TTC21B: variants seen among roughly 807,000 people sequenced by gnomAD.
TTC21B encodes tetratricopeptide repeat protein 21B.
In TTC21B, 127 loss-of-function variants were observed where a neutral mutation model predicts 175.1. The observed-to-expected ratio is 0.73, with a 90% CI of 0.63 to 0.84. The LOEUF is 0.84. Among genes scored for constraint, TTC21B ranks in the 40% least tolerant of loss-of-function variants. The pLI is 0.00. For synonymous variants in TTC21B, 524 were observed against 524.5 expected (o/e 1.00, Z 0.01); for missense variants, 1,561 against 1,558.3 (o/e 1.00, Z -0.03).
At chr2:165,929,893 A>G in intron 9 of TTC21B, 146 bp from the exon 10 acceptor site, 1 of 715,046 alleles carries the variant, frequency 1.4e-6, no homozygotes, top group Non-Finnish European at 2.4e-6. Context: ...AAGAAAGAAA[A>G]TGAAGAGTGA....
At chr2:165,937,771 C>CCACACACCACACACA (rs1205195669) in intron 6 of TTC21B, among the ~76,000 whole-genome samples, 15 of 127,634 alleles carry the variant, frequency 1.2e-4, no homozygotes, top group African/African-American at 4.4e-4. Flanking sequence ...TATATAGAAA[C>CCACACACCACACACA]CACACACACA....
At chr2:165,934,735 T>C (rs1363477779) in intron 6 of TTC21B, 2 of 18,590 alleles carry the variant, frequency 1.1e-4, no homozygotes, top group African/African-American at 4.3e-4. Context: ...CTCTTTCAGA[T>C]TGCTTGAAAA....
intron 3 of TTC21B, chr2:165,948,272 T>G (rs1402251015): frequency 6.6e-6 from 1 of 152,246 alleles, no homozygotes; most frequent in Non-Finnish European, 1.5e-5. Context: ...ATGTTTCATT[T>G]TGTATTATTT....
At chr2:165,939,824 A>G (rs968815211) in intron 6 of TTC21B, among the ~76,000 whole-genome samples, 2 of 152,116 alleles carry the variant, frequency 1.3e-5, no homozygotes, top group Admixed American at 6.6e-5. Flanking sequence ...TCTATCCTCT[A>G]GTGCAAGTAG....
At chr2:165,905,986 G>A (rs1362191918) in intron 19 of TTC21B, among the ~76,000 whole-genome samples, 2 of 152,140 alleles carry the variant, frequency 1.3e-5, no homozygotes, top group Non-Finnish European at 2.9e-5. Context: ...TTCAAAGTAT[G>A]TCTTGGCACA....
Position 165,924,637 on chromosome 2 carries a change from A to G in TTC21B, c.1428T>C (p.Arg476=), listed in dbSNP as rs376312170. 2.8e-5 allele frequency: 45 copies of G among 1,613,652 alleles called. No individual in the cohort carries two copies. Among genetic ancestry groups the G allele is most frequent in the Non-Finnish European group, 3.7e-5 (44 of 1,179,822 alleles). The change falls in exon 12 of 29, where the codon CGT becomes CGC. Residue 476 remains arginine, a synonymous_variant. Transcript: ENST00000243344. ...CTACAGTCTCCAGGACTGAGATGCA[A>G]CGCCTGAGAAGTGGACAAAGAGGTT... ...PGQPLCPLLR[R]CISVLETVVR... is the part of the protein sequence containing the mutation.
chr2:165,909,535 T>A (rs1685858415), intron 18 of TTC21B, among the ~76,000 whole-genome samples: 1 of 151,900 alleles, frequency 6.6e-6, no homozygotes, highest in Admixed American at 6.6e-5. Flanking sequence ...TAGAAGAAAA[T>A]AAGATATATA....
intron 11 of TTC21B, among the ~76,000 whole-genome samples, chr2:165,926,002 TA>T (rs1320738299): frequency 2.0e-5 from 3 of 152,210 alleles, no homozygotes; most frequent in Admixed American, 6.5e-5. Context: ...AAAAAATAGT[TA>T]TGCAGACAAT....
At chr2:165,915,050 T>C (rs995130580) in intron 15 of TTC21B, 151 bp downstream of exon 15, 1 of 684,380 alleles carries the variant, frequency 1.5e-6, no homozygotes, top group African/African-American at 1.8e-5. Context: ...GTTAGAGTGA[T>C]TGCAGTTGGT....
At chr2:165,882,947 G>A (rs1574063583) in intron 26 of TTC21B, among the ~76,000 whole-genome samples, 1 of 152,026 alleles carries the variant, frequency 6.6e-6, no homozygotes, top group African/African-American at 2.4e-5. Flanking sequence ...GTAGCTAATC[G>A]TCTAGAATAG....
In TTC21B at chr2:165,901,759, T is replaced by A; in HGVS notation, c.2720A>T (p.Tyr907Phe). ...QRDYEKAIKF[Y>F]REALVHCETD... Reference sequence around the variant, plus strand: ...TTCGCAGTGAACCAGAGCCTCTCTATAAAACTTAATTGCTTTTTCATAGTC... The same window carrying A: ...TTCGCAGTGAACCAGAGCCTCTCTAAAAAACTTAATTGCTTTTTCATAGTC... The change falls in exon 20 of 29, where the codon TAT (tyrosine) becomes TTT (phenylalanine). Residue 907 changes from tyrosine to phenylalanine, a missense_variant. By Grantham distance (22) the Tyr-to-Phe change is conservative. Transcript: ENST00000243344. 6.2e-7 allele frequency: 1 copy of A among 1,614,150 alleles called. No individual in the cohort carries two copies. The highest frequency in any genetic ancestry group is 8.5e-7 in the Non-Finnish European group (1 of 1,179,994).
intron 19 of TTC21B, among the ~76,000 whole-genome samples, chr2:165,904,760 G>C (rs1168067422): frequency 1.3e-5 from 2 of 152,188 alleles, no homozygotes; most frequent in Non-Finnish European, 2.9e-5. Context: ...GGGGCTTACA[G>C]ACACAGAATA....
chr2:165,945,615 T>A lies in TTC21B; in HGVS notation c.338A>T (p.His113Leu). 6.2e-7 allele frequency: 1 copy of A among 1,613,782 alleles called. No homozygotes were observed. The highest frequency in any genetic ancestry group is 8.5e-7 in the Non-Finnish European group (1 of 1,179,872). Residue 113 changes from histidine (H) to leucine (L), a missense_variant, in exon 4 of 29, where the codon CAT becomes CTT. Physicochemically the swap from His to Leu is moderately conservative, Grantham distance 99. Coordinates refer to ENST00000243344, the MANE Select transcript of TTC21B (RefSeq NM_024753.5). ...RKGAGEKALYHAGLFLWHIGR... is the reference protein window; with the variant it reads ...RKGAGEKALYLAGLFLWHIGR... ...AATGTGCCATAAAAATAAGCCTGCA[T>A]GGTATAAGGCTTTCTCTCCAGCTCC... is the stretch of plus-strand genomic sequence containing the variant.
In TTC21B at chr2:165,924,894, T is replaced by C. The variant is rs561214083; in HGVS notation, c.1387-216A>G. On this transcript the variant is annotated intron_variant, in intron 11 of 28. Coordinates refer to ENST00000243344, the MANE Select transcript of TTC21B (RefSeq NM_024753.5). ...CAGACAATGCAAATAATGGCTCTTG[T>C]TCAGCAAAATAATTATGAAACTATT... is the stretch of plus-strand genomic sequence containing the variant. Among the ~76,000 whole-genome samples the C allele has an allele frequency of 2.8e-4, 43 of 152,314 alleles. No individual in the cohort carries two copies. In the East Asian group the frequency reaches 8.1e-3, roughly 29 times the overall value.
At chr2:165,926,049 C>T (rs1460149564) in intron 11 of TTC21B, among the ~76,000 whole-genome samples, 1 of 152,120 alleles carries the variant, frequency 6.6e-6, no homozygotes, top group African/African-American at 2.4e-5. Context: ...AAATTCTAAA[C>T]AAAATTATGT....
At chr2:165,898,085 T>A (rs375866545) in intron 22 of TTC21B, among the ~76,000 whole-genome samples, 13 of 152,254 alleles carry the variant, frequency 8.5e-5, no homozygotes, top group East Asian at 7.7e-4. Context: ...GGCATAGTAA[T>A]TGGGAGGGGA....
At chr2:165,911,576 G>A in intron 17 of TTC21B, 111 bp from the exon 18 acceptor site, 2 of 1,333,678 alleles carry the variant, frequency 1.5e-6, no homozygotes, top group Non-Finnish European at 1.1e-6. Flanking sequence ...AAATAACCAG[G>A]AAGAATTGTA....
intron 26 of TTC21B, among the ~76,000 whole-genome samples, chr2:165,883,115 A>G (rs770577470): frequency 2.0e-5 from 3 of 152,150 alleles, no homozygotes; most frequent in Non-Finnish European, 2.9e-5. Context: ...TGTGATTAAG[A>G]TTTTGAAGTA....
At chr2:165,920,077 G>T (rs1039756643) in intron 12 of TTC21B, among the ~76,000 whole-genome samples, 2 of 152,042 alleles carry the variant, frequency 1.3e-5, no homozygotes, top group African/African-American at 4.8e-5. Flanking sequence ...GATAGATGCG[G>T]TAAGAAGAGG....
Sources: gnomAD v4.1 joint callset for allele counts (sites outside exome capture counted in the v4.1 genomes callset) on GRCh38, gnomAD v4.1.1 for gene constraint, MANE v1.5 for transcripts, NCBI Gene and HGNC (gene_info 2026-07-23, HGNC 2026-07-21) for gene names.